SGCD: variants seen among roughly 807,000 people sequenced by gnomAD.
SGCD encodes the protein delta-sarcoglycan.
SGCD carries 18 observed loss-of-function variants against 36.6 expected under a neutral mutation model. The ratio of observed to expected loss-of-function variants is 0.49; its 90% CI spans 0.34 to 0.73. The LOEUF is 0.73. Ranked by LOEUF, SGCD falls within the 30% of genes least tolerant of loss-of-function variation. The probability of loss-of-function intolerance (pLI) is 0.01; values close to 1 mark genes in which losing one functional copy is unlikely to be tolerated. For missense variants in SGCD, 387 were observed against 346.7 expected (o/e 1.12, Z -0.92); for synonymous variants, 133 against 130.6 (o/e 1.02, Z -0.12).
At chr5:156,435,645 CT>C (rs1753209196) in intron 3 of SGCD, among the ~76,000 whole-genome samples, 1 of 152,132 alleles carries the variant, frequency 6.6e-6, no homozygotes, top group Admixed American at 6.6e-5. Flanking sequence ...GAGATGTAGA[CT>C]TTCCTTTGCA....
intron 3 of SGCD, among the ~76,000 whole-genome samples, chr5:156,362,366 G>C (rs1463716061): frequency 1.3e-5 from 2 of 152,174 alleles, no homozygotes; most frequent in African/African-American, 4.8e-5. Flanking sequence ...AGCATTCGAG[G>C]CTGGCACGTG....
At chr5:156,207,307 G>A (rs1428603536) in intron 3 of SGCD, among the ~76,000 whole-genome samples, 1 of 152,144 alleles carries the variant, frequency 6.6e-6, no homozygotes, top group South Asian at 2.1e-4. Flanking sequence ...ATGGCATGGA[G>A]AGTTCATGTT....
At chr5:156,424,464 G>T (rs998527161) in intron 3 of SGCD, among the ~76,000 whole-genome samples, 3 of 152,026 alleles carry the variant, frequency 2.0e-5, no homozygotes, top group Non-Finnish European at 4.4e-5. Flanking sequence ...GATATGCGTT[G>T]TGCACACATC....
chr5:156,001,063 G>A (rs1216270824), intron 1 of SGCD, among the ~76,000 whole-genome samples: 1 of 152,124 alleles, frequency 6.6e-6, no homozygotes, highest in African/African-American at 2.4e-5. Context: ...CATAAAGAGA[G>A]GAATAGGGAG....
chr5:156,621,880 G>C (rs1176784958), intron 6 of SGCD, among the ~76,000 whole-genome samples: 2 of 152,162 alleles, frequency 1.3e-5, no homozygotes, highest in African/African-American at 4.8e-5. Flanking sequence ...TGTGTCTTGA[G>C]TCTCAGGACA....
chr5:156,623,297 T>A (rs1363081101), intron 6 of SGCD, among the ~76,000 whole-genome samples: 1 of 152,080 alleles, frequency 6.6e-6, no homozygotes, highest in Non-Finnish European at 1.5e-5. Flanking sequence ...ACCAGCAAGA[T>A]CTAATTTGTG....
intron 3 of SGCD, among the ~76,000 whole-genome samples, chr5:156,226,460 A>G (rs1764861989): frequency 6.6e-6 from 1 of 152,118 alleles, no homozygotes; most frequent in African/African-American, 2.4e-5. Flanking sequence ...CTTTATCCAT[A>G]CATTGATTGA....
chr5:156,471,355 A>G (rs943364133), intron 3 of SGCD, among the ~76,000 whole-genome samples: 6 of 152,184 alleles, frequency 3.9e-5, no homozygotes, highest in Non-Finnish European at 8.8e-5. Context: ...ATAATTTTTT[A>G]AAAAGAAAAA....
At chr5:156,431,590 C>G (rs1048135498) in intron 3 of SGCD, among the ~76,000 whole-genome samples, 23 of 152,214 alleles carry the variant, frequency 1.5e-4, no homozygotes, top group Admixed American at 1.4e-3. Flanking sequence ...GCAGAAAGAT[C>G]TGGGACTCAA....
intron 1 of SGCD, among the ~76,000 whole-genome samples, chr5:155,901,381 C>CA (rs1756386891): frequency 6.6e-6 from 1 of 151,740 alleles, no homozygotes; most frequent in African/African-American, 2.4e-5. Flanking sequence ...ATATGCCCAT[C>CA]AAAAAGATGC....
intron 1 of SGCD, among the ~76,000 whole-genome samples, chr5:156,021,903 G>T (rs1028297101): frequency 6.6e-6 from 1 of 152,102 alleles, no homozygotes. Context: ...ATGCTATACA[G>T]TTCATCCATT....
intron 3 of SGCD, among the ~76,000 whole-genome samples, chr5:156,417,515 G>T (rs1364770965): frequency 6.6e-6 from 1 of 152,082 alleles, no homozygotes; most frequent in Non-Finnish European, 1.5e-5. Context: ...AGACTAGGTG[G>T]CTTAAACAAC....
At chr5:156,159,721 G>A (rs547205376) in intron 3 of SGCD, among the ~76,000 whole-genome samples, 1 of 151,640 alleles carries the variant, frequency 6.6e-6, no homozygotes, top group East Asian at 1.9e-4. Context: ...TTTCAGAGGT[G>A]ATCACTGTGC....
At chr5:156,069,803 T>A (rs931261156) in intron 1 of SGCD, among the ~76,000 whole-genome samples, 6 of 151,920 alleles carry the variant, frequency 3.9e-5, no homozygotes, top group Admixed American at 3.9e-4. Context: ...TCTTTTATTT[T>A]GTTGAGCAGT....
At chr5:155,929,424 C>T (rs1010707736) in intron 1 of SGCD, among the ~76,000 whole-genome samples, 8 of 152,212 alleles carry the variant, frequency 5.3e-5, no homozygotes, top group African/African-American at 1.7e-4. Context: ...TTCTCACAGA[C>T]TTGGCAATCG....
intron 1 of SGCD, among the ~76,000 whole-genome samples, chr5:156,021,693 C>T (rs186153961): frequency 1.7e-4 from 26 of 151,800 alleles, no homozygotes; most frequent in South Asian, 6.3e-4. Context: ...TTGGAGGTAG[C>T]GGAAACGGTG....
chr5:156,732,435 C>G (rs909339561), intron 7 of SGCD, among the ~76,000 whole-genome samples: 5 of 152,116 alleles, frequency 3.3e-5, no homozygotes, highest in Non-Finnish European at 7.4e-5. Context: ...AGCCTTGCAT[C>G]CTGGGATTAA....
intron 3 of SGCD, among the ~76,000 whole-genome samples, chr5:156,382,679 A>G (rs555335200): frequency 6.6e-6 from 1 of 152,174 alleles, no homozygotes; most frequent in African/African-American, 2.4e-5. Flanking sequence ...CTAGTAGAGG[A>G]TATATCGGTG....
intron 1 of SGCD, among the ~76,000 whole-genome samples, chr5:155,949,200 A>T (rs1032733039): frequency 2.6e-5 from 4 of 152,164 alleles, no homozygotes; most frequent in Non-Finnish European, 5.9e-5. Flanking sequence ...TCCCTTTTCT[A>T]ATGTGTTCTT....
Sources: allele counts gnomAD v4.1 joint callset (sites outside exome capture counted in the v4.1 genomes callset), GRCh38; gene constraint gnomAD v4.1.1; transcripts MANE v1.5; gene names NCBI Gene and HGNC (gene_info 2026-07-23, HGNC 2026-07-21).